Variants in SPOCK3 observed in about 807,000 individuals in gnomAD.
SPOCK3 encodes the protein SPARC (osteonectin), cwcv and kazal like domains proteoglycan 3.
SPOCK3 carries 30 observed loss-of-function variants against 56.6 expected under a neutral mutation model. The ratio of observed to expected loss-of-function variants is 0.53; its 90% CI spans 0.40 to 0.72. The LOEUF (loss-of-function observed/expected upper bound fraction) is 0.72, where lower values mean the gene tolerates loss of function less well. Among genes scored for constraint, SPOCK3 ranks in the 30% least tolerant of loss-of-function variants. SPOCK3 has a pLI of 0.00. For missense variants in SPOCK3, 527 were observed against 530.0 expected (o/e 0.99, Z 0.06); for synonymous variants, 196 against 183.3 (o/e 1.07, Z -0.56).
In SPOCK3 at chr4:167,190,898, C is replaced by A. The variant is rs1228824661; in HGVS notation, c.189+43087G>T. ...CAATATCCTTTTCTCATTTTGTATTCTTGACCCCTTTGACAAAGGTTAGTC... is the reference window on the plus strand; with the variant it reads ...CAATATCCTTTTCTCATTTTGTATTATTGACCCCTTTGACAAAGGTTAGTC... On this transcript the variant is annotated intron_variant, in intron 2 of 10. Transcript: ENST00000357545. Among the ~76,000 whole-genome samples, 4 of 145,572 alleles carry A rather than the reference C, an allele frequency of 2.7e-5. 1 individual carries two copies. Among genetic ancestry groups the A allele is most frequent in the Admixed American group, 1.4e-4 (2 of 14,232 alleles).
At chr4:167,194,021 G>A (rs536614429) in intron 2 of SPOCK3, among the ~76,000 whole-genome samples, 3 of 152,138 alleles carry the variant, frequency 2.0e-5, no homozygotes, top group South Asian at 2.1e-4. Flanking sequence ...TTTGGTATCC[G>A]ATAGGTCCAG....
chr4:167,066,637 A>G (rs944209929), intron 2 of SPOCK3, among the ~76,000 whole-genome samples: 1 of 151,894 alleles, frequency 6.6e-6, no homozygotes, highest in Non-Finnish European at 1.5e-5. Flanking sequence ...CAAAATATTT[A>G]ATGGCTATAT....
chr4:167,086,290 T>C (rs62352444), intron 2 of SPOCK3, among the ~76,000 whole-genome samples: 9,775 of 152,148 alleles, frequency 0.064, 816 homozygotes, highest in African/African-American at 0.19. Flanking sequence ...ACATTTTAAT[T>C]ACATCATAGC....
At chr4:166,896,597 A>G (rs1352061064) in intron 5 of SPOCK3, among the ~76,000 whole-genome samples, 1 of 152,212 alleles carries the variant, frequency 6.6e-6, no homozygotes, top group Non-Finnish European at 1.5e-5. Flanking sequence ...TTCCAGGCTC[A>G]TGGCCCATCT....
intron 6 of SPOCK3, among the ~76,000 whole-genome samples, chr4:166,830,707 C>T (rs1220003487): frequency 2.0e-5 from 3 of 152,070 alleles, no homozygotes; most frequent in Admixed American, 6.6e-5. Context: ...GCACTCCAGC[C>T]TGGGCACAGA....
At chr4:167,001,324 A>G (rs936664470) in intron 3 of SPOCK3, among the ~76,000 whole-genome samples, 1 of 152,072 alleles carries the variant, frequency 6.6e-6, no homozygotes, top group Non-Finnish European at 1.5e-5. Flanking sequence ...CTACTCATCT[A>G]ATTTCCATCT....
At chr4:166,798,279 C>T (rs185084126) in intron 6 of SPOCK3, among the ~76,000 whole-genome samples, 1 of 152,292 alleles carries the variant, frequency 6.6e-6, no homozygotes, top group Admixed American at 6.5e-5. Flanking sequence ...CCTCACACAT[C>T]TCGTGTTTAC....
intron 7 of SPOCK3, among the ~76,000 whole-genome samples, chr4:166,773,491 G>T (rs373724113): frequency 1.3e-5 from 2 of 152,144 alleles, no homozygotes; most frequent in South Asian, 4.2e-4. Flanking sequence ...AAGCTAGATC[G>T]CATTGTGTTG....
At position 167,224,791 on chromosome 4, in the gene SPOCK3, C is replaced by T. The variant is rs540948860; in HGVS notation, c.189+9194G>A. 2.1e-5 allele frequency among the ~76,000 whole-genome samples: 3 copies of T among 142,602 alleles called. No homozygotes were observed. In the East Asian group the frequency reaches 5.8e-4, roughly 28 times the overall value. The allele number at this position is 142,602 out of a possible 152,430, so 93.6% of individuals were successfully genotyped here. On this transcript the variant is annotated intron_variant, in intron 2 of 10. Transcript: ENST00000357545. ...TCTCTTGCCTCAGCCTCCCGAGTAG[C>T]GAGTAGCTGGGATTACAGGCACGTG...
At chr4:167,097,908 GC>G (rs997016820) in intron 2 of SPOCK3, among the ~76,000 whole-genome samples, 2 of 151,992 alleles carry the variant, frequency 1.3e-5, no homozygotes, top group African/African-American at 4.8e-5. Context: ...CATGGATGCA[GC>G]TGGGGCCCAT....
chr4:166,796,662 TC>T (rs1741971023), intron 6 of SPOCK3, among the ~76,000 whole-genome samples: 1 of 152,206 alleles, frequency 6.6e-6, no homozygotes, highest in African/African-American at 2.4e-5. Context: ...TATTATTTTT[TC>T]CCTTATCAAT....
intron 6 of SPOCK3, among the ~76,000 whole-genome samples, chr4:166,844,763 T>G (rs1196093972): frequency 6.6e-6 from 1 of 152,236 alleles, no homozygotes; most frequent in Non-Finnish European, 1.5e-5. Flanking sequence ...TATCTATCTA[T>G]GTATCTATCT....
At chr4:167,128,416 C>T (rs1762457282) in intron 2 of SPOCK3, among the ~76,000 whole-genome samples, 1 of 152,172 alleles carries the variant, frequency 6.6e-6, no homozygotes, top group South Asian at 2.1e-4. Flanking sequence ...GGGTACACCA[C>T]CATTTATTAC....
rs186293066 is a variant in SPOCK3, at chr4:166,877,253, C to T, written c.589+11877G>A. ...ACCAAAATTCTGAACCTTTCAGAGC[C>T]ATTTTAGACTTACTGATTGTGATTC... On this transcript the variant is annotated intron_variant, in intron 6 of 10. Transcript: ENST00000357545. 2.0e-3 allele frequency among the ~76,000 whole-genome samples: 311 copies of T among 152,248 alleles called. 3 individuals carry two copies. The highest frequency in any genetic ancestry group is 6.5e-3 in the African/African-American group (272 of 41,566).
chr4:166,785,011 T>G (rs922644166), intron 7 of SPOCK3, among the ~76,000 whole-genome samples: 1 of 152,088 alleles, frequency 6.6e-6, no homozygotes, highest in Non-Finnish European at 1.5e-5. Flanking sequence ...TGCTATGCAA[T>G]TTTTGGAGAT....
chr4:166,842,827 A>G (rs1023026904), intron 6 of SPOCK3, among the ~76,000 whole-genome samples: 6 of 152,174 alleles, frequency 3.9e-5, no homozygotes, highest in African/African-American at 1.4e-4. Flanking sequence ...CCAGTCCCGC[A>G]CTGCCGGCCT....
intron 6 of SPOCK3, among the ~76,000 whole-genome samples, chr4:166,831,389 G>T (rs1042880713): frequency 2.6e-5 from 4 of 152,096 alleles, no homozygotes; most frequent in African/African-American, 9.7e-5. Context: ...GTTAGAACCT[G>T]CCAGTGAAGA....
At chr4:166,978,923 G>T (rs938765613) in intron 4 of SPOCK3, among the ~76,000 whole-genome samples, 1 of 152,130 alleles carries the variant, frequency 6.6e-6, no homozygotes, top group Non-Finnish European at 1.5e-5. Flanking sequence ...TATGAGTGCG[G>T]AAGAGGCTGG....
intron 6 of SPOCK3, among the ~76,000 whole-genome samples, chr4:166,848,269 C>G (rs575844496): frequency 7.9e-5 from 12 of 152,226 alleles, no homozygotes; most frequent in African/African-American, 2.6e-4. Flanking sequence ...CATAGATGTA[C>G]TTTTGTTGAC....
Sources: allele counts gnomAD v4.1 joint callset (sites outside exome capture counted in the v4.1 genomes callset), GRCh38; gene constraint gnomAD v4.1.1; transcripts MANE v1.5; gene names NCBI Gene and HGNC (gene_info 2026-07-23, HGNC 2026-07-21).